The following ADD2 variants were observed in gnomAD, a reference collection of about 807,000 sequenced individuals.
The protein encoded by ADD2 is beta-adducin.
In ADD2, 23 loss-of-function variants were observed where a neutral mutation model predicts 83.0. The ratio of observed to expected loss-of-function variants is 0.28; its 90% CI spans 0.20 to 0.39. The LOEUF is 0.39. ADD2 is among the 10% of genes least tolerant of loss of function. The pLI, the probability that ADD2 is intolerant of heterozygous loss-of-function variation, is 1.00. For missense variants in ADD2, 758 were observed against 944.9 expected, an observed-to-expected ratio of 0.80 and a Z score of 2.59; for synonymous variants, 375 against 375.4, an observed-to-expected ratio of 1.00 and a Z score of 0.01.
At chr2:70,718,486 GC>G (rs1390233720) in intron 1 of ADD2, among the ~76,000 whole-genome samples, 3 of 152,202 alleles carry the variant, frequency 2.0e-5, no homozygotes, top group Non-Finnish European at 2.9e-5. Flanking sequence ...ACACTACAGG[GC>G]CCCAACAATG....
intron 1 of ADD2, among the ~76,000 whole-genome samples, chr2:70,732,412 G>A (rs1319533087): frequency 6.6e-6 from 1 of 152,168 alleles, no homozygotes; most frequent in African/African-American, 2.4e-5. Flanking sequence ...TGGATCAATT[G>A]AGATCACATA....
chr2:70,760,218 G>A (rs1214102953), intron 1 of ADD2, among the ~76,000 whole-genome samples: 3 of 152,136 alleles, frequency 2.0e-5, no homozygotes, highest in African/African-American at 7.2e-5. Context: ...CTACACGTGC[G>A]TGTTTATAAC....
At chr2:70,745,023 A>ACCCAC (rs1674107080) in intron 1 of ADD2, among the ~76,000 whole-genome samples, 1 of 152,128 alleles carries the variant, frequency 6.6e-6, no homozygotes, top group African/African-American at 2.4e-5. Flanking sequence ...ACGGTGGCTC[A>ACCCAC]CGATTGTAAT....
chr2:70,731,023 A>G (rs1467956761), intron 1 of ADD2, among the ~76,000 whole-genome samples: 2 of 152,208 alleles, frequency 1.3e-5, no homozygotes, highest in Non-Finnish European at 2.9e-5. Flanking sequence ...TTAATCCTTC[A>G]TACATCAATG....
chr2:70,738,458 A>C lies in ADD2; in HGVS notation c.-153-25274T>G, dbSNP rs114009535. 3.8e-3 allele frequency among the ~76,000 whole-genome samples: 574 copies of C among 152,316 alleles called. 6 individuals carry two copies. Among genetic ancestry groups the C allele is most frequent in the African/African-American group, 0.013 (532 of 41,564 alleles). On this transcript the variant is annotated intron_variant, in intron 1 of 15. Transcript: ENST00000264436. ...TTTGCTACTTGGAGGAGAGAAAGCT[A>C]ATCAGCTGAAAGATAAAGCTTTATT...
chr2:70,695,898 C>T (rs1671281675), intron 5 of ADD2, 97 bp from the exon 6 acceptor site: 2 of 1,047,014 alleles, frequency 1.9e-6, no homozygotes, highest in East Asian at 5.1e-5. Flanking sequence ...ATCTACTGCA[C>T]CCAAGTCCAT....
chr2:70,759,505 TG>T (rs1335006880), intron 1 of ADD2, among the ~76,000 whole-genome samples: 2 of 152,074 alleles, frequency 1.3e-5, no homozygotes, highest in African/African-American at 4.8e-5. Flanking sequence ...GGGTACCTGG[TG>T]GGAGGTGTTT....
intron 15 of ADD2, among the ~76,000 whole-genome samples, chr2:70,667,479 G>A (rs1553366332): frequency 6.6e-6 from 1 of 152,204 alleles, no homozygotes; most frequent in Non-Finnish European, 1.5e-5. Flanking sequence ...CTAGCCCACA[G>A]CCTCCAACCA....
At chr2:70,751,062 A>G (rs1408648471) in intron 1 of ADD2, among the ~76,000 whole-genome samples, 1 of 152,220 alleles carries the variant, frequency 6.6e-6, no homozygotes, top group Non-Finnish European at 1.5e-5. Context: ...TGCCCTAAAG[A>G]AAAACTTTTC....
chr2:70,760,166 A>AC (rs1675006981), intron 1 of ADD2, among the ~76,000 whole-genome samples: 1 of 152,236 alleles, frequency 6.6e-6, no homozygotes, highest in Non-Finnish European at 1.5e-5. Context: ...ACTTTGAAGA[A>AC]AAGAAAGGCA....
chr2:70,748,905 C>CTA (rs782257943), intron 1 of ADD2, among the ~76,000 whole-genome samples: 38 of 152,264 alleles, frequency 2.5e-4, no homozygotes, highest in African/African-American at 4.8e-4. Context: ...CAGCATTGAG[C>CTA]TATATAAGTA....
chr2:70,746,613 C>T (rs1487715390), intron 1 of ADD2, among the ~76,000 whole-genome samples: 1 of 152,236 alleles, frequency 6.6e-6, no homozygotes, highest in African/African-American at 2.4e-5. Context: ...GACTCTACCA[C>T]TTCCCCAATA....
Position 70,696,368 on chromosome 2 carries a change from G to A in ADD2, c.351C>T (p.Asp117=). The change falls in exon 5 of 16, where the codon GAC becomes GAT. Residue 117 remains aspartate, a synonymous_variant. Coordinates refer to ENST00000264436, the MANE Select transcript of ADD2 (RefSeq NM_001617.4). ...MNVSMMTPIN[D]LHTADSLNLA... ...GGTTCAGGGAGTCAGCTGTGTGGAG[G>A]TCATTGATAGGCGTCATCATGGAGA... 1 of 1,614,222 alleles carries A rather than the reference G, an allele frequency of 6.2e-7. No homozygotes were observed.
chr2:70,668,390 T>C (rs981817915), intron 15 of ADD2, among the ~76,000 whole-genome samples: 23 of 152,330 alleles, frequency 1.5e-4, no homozygotes, highest in Middle Eastern at 6.8e-3. Flanking sequence ...CAAGCCACAC[T>C]GCATCTGGAC....
chr2:70,704,277 T>TCCC, intron 4 of ADD2, 44 bp downstream of exon 4: 1 of 496,196 alleles, frequency 2.0e-6, no homozygotes, highest in Non-Finnish European at 3.2e-6. Context: ...CACCCCACCC[T>TCCC]CCCCTCCACC....
chr2:70,661,638 A>G lies in ADD2; in HGVS notation c.*1787T>C, dbSNP rs1675540102. 1 of 152,256 alleles carries G rather than the reference A, an allele frequency of 6.6e-6. No homozygotes were observed. The highest frequency in any genetic ancestry group is 1.5e-5 in the Non-Finnish European group (1 of 68,056). 9.4% of individuals were successfully genotyped at this position (152,256 alleles called of 1,614,324 possible). A position where few individuals can be genotyped will look rare whatever the true frequency, so the allele number is the denominator to read the frequency against. On this transcript the variant is annotated 3_prime_UTR_variant, in exon 16 of 16. Transcript: ENST00000264436. ...CTCTTGCCTCTCCTTTGTCAGAGGC[A>G]CACAGTAGCATCACCACAGTCCACA...
At position 70,703,873 on chromosome 2, in the gene ADD2, A is replaced by C. The variant is rs80339254; in HGVS notation, c.322+448T>G. On this transcript the variant is annotated intron_variant, in intron 4 of 15. Transcript: ENST00000264436. ...TTGGTTATTTTCACAGTTTTCAGCCATAATCCTGTAATAATCTTATTGAGG... is the reference window on the plus strand; with the variant it reads ...TTGGTTATTTTCACAGTTTTCAGCCCTAATCCTGTAATAATCTTATTGAGG... Among the ~76,000 whole-genome samples the C allele has an allele frequency of 5.0e-3, 758 of 152,338 alleles. 8 individuals carry two copies. The highest frequency in any genetic ancestry group is 0.017 in the African/African-American group (727 of 41,572).
intron 1 of ADD2, among the ~76,000 whole-genome samples, chr2:70,752,419 T>A (rs1437782881): frequency 3.9e-5 from 6 of 152,202 alleles, no homozygotes; most frequent in African/African-American, 1.4e-4. Flanking sequence ...TTGTGATGAT[T>A]AGACTTTAAA....
chr2:70,727,041 C>A (rs1673039671), intron 1 of ADD2, among the ~76,000 whole-genome samples: 1 of 152,184 alleles, frequency 6.6e-6, no homozygotes, highest in African/African-American at 2.4e-5. Context: ...GCTTTTATAC[C>A]ATGTTCAGGC....
Sources: gnomAD v4.1 joint callset for allele counts (sites outside exome capture counted in the v4.1 genomes callset) on GRCh38, gnomAD v4.1.1 for gene constraint, MANE v1.5 for transcripts, NCBI Gene and HGNC (gene_info 2026-07-23, HGNC 2026-07-21) for gene names.